The following IKZF1 variants were observed in gnomAD, a reference collection of about 807,000 sequenced individuals.
IKZF1 encodes the protein DNA-binding protein Ikaros.
In IKZF1, 10 loss-of-function variants were observed where a neutral mutation model predicts 51.7. The ratio of observed to expected loss-of-function variants is 0.19; its 90% CI spans 0.12 to 0.33. The LOEUF is 0.33. Among genes scored for constraint, IKZF1 ranks in the 10% least tolerant of loss-of-function variants. The probability of loss-of-function intolerance (pLI) is 1.00; values close to 1 mark genes in which losing one functional copy is unlikely to be tolerated. For missense variants in IKZF1, 484 were observed against 707.5 expected (o/e 0.68, Z 3.58); for synonymous variants, 280 against 282.3 (o/e 0.99, Z 0.08).
intron 4 of IKZF1, among the ~76,000 whole-genome samples, chr7:50,380,863 C>T (rs1026479982): frequency 6.6e-6 from 1 of 152,240 alleles, no homozygotes; most frequent in Non-Finnish European, 1.5e-5. Flanking sequence ...GTTTTAGCCT[C>T]TTCATCCAGT....
chr7:50,321,919 GT>G (rs1299363054), intron 2 of IKZF1, among the ~76,000 whole-genome samples: 1 of 152,136 alleles, frequency 6.6e-6, no homozygotes, highest in Non-Finnish European at 1.5e-5. Context: ...AGGAAACTCT[GT>G]TTTTGTTTGA....
intron 4 of IKZF1, among the ~76,000 whole-genome samples, chr7:50,378,352 C>A (rs73348146): frequency 6.6e-6 from 1 of 152,076 alleles, no homozygotes. Context: ...GTGAAGCAAG[C>A]GTGCATGAGA....
rs1433696976 is a variant in IKZF1, at chr7:50,359,538, C to T, written c.161-16995C>T. ...CCACTGTCCTTCTGCATGGAAAAGT[C>T]ACAGTAAATAATGGACTCTCTACCT... On this transcript the variant is annotated intron_variant, in intron 3 of 7. Coordinates refer to ENST00000331340, the MANE Select transcript of IKZF1 (RefSeq NM_006060.6). Among the ~76,000 whole-genome samples the T allele has an allele frequency of 3.3e-5, 5 of 152,222 alleles. No individual in the cohort carries two copies. In the East Asian group the frequency reaches 9.6e-4, roughly 29 times the overall value.
chr7:50,339,685 C>T lies in IKZF1; in HGVS notation c.160+11928C>T, dbSNP rs1368455479. On this transcript the variant is annotated intron_variant, in intron 3 of 7. Coordinates refer to ENST00000331340, the MANE Select transcript of IKZF1 (RefSeq NM_006060.6). ...AGAAGAATCGCTTGAATTCGGGAGG[C>T]GGGGGTTGCAGTGAGCCAAGATTGT... Among the ~76,000 whole-genome samples the T allele has an allele frequency of 2.9e-3, 428 of 150,000 alleles. 1 individual carries two copies. The highest frequency in any genetic ancestry group is 5.3e-3 in the Non-Finnish European group (359 of 67,648).
chr7:50,306,481 C>T (rs751949383), intron 1 of IKZF1, among the ~76,000 whole-genome samples: 10 of 152,146 alleles, frequency 6.6e-5, no homozygotes, highest in Non-Finnish European at 1.0e-4. Context: ...AGAGTGGTAC[C>T]TCTTGGAAAA....
At position 50,379,372 on chromosome 7, in the gene IKZF1, C is replaced by T. The variant is rs116589989; in HGVS notation, c.421+2579C>T. ...AGGATACACTGAGAGGATTCAGGGG[C>T]GGTCTCGCCTCTGCCCATATCCCCA... is the stretch of plus-strand genomic sequence containing the variant. On this transcript the variant is annotated intron_variant, in intron 4 of 7. Coordinates refer to ENST00000331340, the MANE Select transcript of IKZF1 (RefSeq NM_006060.6). Among the ~76,000 whole-genome samples, 804 of 152,300 alleles carry T rather than the reference C, an allele frequency of 5.3e-3. 10 individuals are homozygous for T. The highest frequency in any genetic ancestry group is 0.018 in the African/African-American group (767 of 41,552).
In IKZF1 at chr7:50,400,833, C is replaced by A. The variant is rs1258945222; in HGVS notation, c.*206C>A. The A allele has an allele frequency of 4.5e-6, 3 of 669,406 alleles. No individual in the cohort carries two copies. Among genetic ancestry groups the A allele is most frequent in the Non-Finnish European group, 7.4e-6 (3 of 406,472 alleles). 41.5% of individuals were successfully genotyped at this position (669,406 alleles called of 1,614,324 possible). On this transcript the variant is annotated 3_prime_UTR_variant, in exon 8 of 8. Transcript: ENST00000331340. This position sits in a 1 kb window ranked among gnomAD's most constrained non-coding sequence, Gnocchi z 5.4. Reference sequence around the variant, plus strand: ...AAGATTTTTATTTTTAGAGGCAGGGCTGCATTGGGAGCATCCAGAACTGCT... The same window carrying A: ...AAGATTTTTATTTTTAGAGGCAGGGATGCATTGGGAGCATCCAGAACTGCT...
chr7:50,312,064 T>C (rs866354730), intron 1 of IKZF1, among the ~76,000 whole-genome samples: 3 of 152,194 alleles, frequency 2.0e-5, no homozygotes, highest in African/African-American at 7.2e-5. Context: ...GCACTTCATA[T>C]TGCTGCACAG....
intron 3 of IKZF1, among the ~76,000 whole-genome samples, chr7:50,329,693 C>T (rs1230865732): frequency 2.0e-5 from 3 of 152,196 alleles, no homozygotes; most frequent in Non-Finnish European, 4.4e-5. Context: ...TCCTGCTTAA[C>T]ACAGGAGCAA....
chr7:50,400,731 C>A lies in IKZF1; in HGVS notation c.*104C>A. On this transcript the variant is annotated 3_prime_UTR_variant, in exon 8 of 8. Coordinates refer to ENST00000331340, the MANE Select transcript of IKZF1 (RefSeq NM_006060.6). This position sits in a 1 kb window ranked among gnomAD's most constrained non-coding sequence, Gnocchi z 5.4. ...GCAGCATAGACTGGACTGGACCAGACAATGTTGTGTTTGGATTTGTAACTG... is the reference window on the plus strand; with the variant it reads ...GCAGCATAGACTGGACTGGACCAGAAAATGTTGTGTTTGGATTTGTAACTG... The A allele has an allele frequency of 2.3e-6, 3 of 1,329,110 alleles. No individual in the cohort carries two copies. The highest frequency in any genetic ancestry group is 1.3e-5 in the South Asian group (1 of 74,204). The allele number at this position is 1,329,110 out of a possible 1,614,324, so 82.3% of individuals were successfully genotyped here.
In IKZF1 at chr7:50,400,218, C is replaced by T. The variant is rs1372604802; in HGVS notation, c.1151C>T (p.Ser384Leu). 4.4e-6 allele frequency: 7 copies of T among 1,591,234 alleles called. No homozygotes were observed. The highest frequency in any genetic ancestry group is 2.3e-5 in the East Asian group (1 of 43,614). Reference protein sequence around the residue: ...LLLSKAKLVPSEREASPSNSC... With the variant: ...LLLSKAKLVPLEREASPSNSC... The stretch of plus-strand genomic sequence containing the variant: ...CTCTCCAAGGCCAAGTTGGTGCCCT[C>T]GGAGCGCGAGGCGTCCCCGAGCAAC... Residue 384 changes from serine to leucine, a missense_variant, in exon 8 of 8, where the codon TCG becomes TTG. Around this residue, in one of 6 missense-constraint regions of IKZF1, gnomAD observed 27 missense variants for 56.8 expected, o/e 0.48. Transcript: ENST00000331340. This position sits in a 1 kb window ranked among gnomAD's most constrained non-coding sequence, Gnocchi z 5.4.
At position 50,313,417 on chromosome 7, in the gene IKZF1, A is replaced by G. The variant is rs144387056; in HGVS notation, c.-14-5631A>G. 1.4e-3 allele frequency among the ~76,000 whole-genome samples: 214 copies of G among 152,354 alleles called. 1 individual carries two copies. The highest frequency in any genetic ancestry group is 5.0e-3 in the African/African-American group (208 of 41,576). On this transcript the variant is annotated intron_variant, in intron 1 of 7. Coordinates refer to ENST00000331340, the MANE Select transcript of IKZF1 (RefSeq NM_006060.6). ...AAAAGTAAATAGCATACATTTGGCC[A>G]AATAACCAGAACTTTACTGTAGAAG... is the stretch of plus-strand genomic sequence containing the variant.
chr7:50,316,864 A>G (rs1053399361), intron 1 of IKZF1, among the ~76,000 whole-genome samples: 1 of 152,242 alleles, frequency 6.6e-6, no homozygotes, highest in African/African-American at 2.4e-5. Flanking sequence ...ATCTTTTTTT[A>G]AGAATTGAAA....
At chr7:50,382,485 C>T in intron 4 of IKZF1, 55 bp from the exon 5 acceptor site, 1 of 1,560,742 alleles carries the variant, frequency 6.4e-7, no homozygotes, top group Non-Finnish European at 8.7e-7. Flanking sequence ...GTAGCATCGT[C>T]CTCATGTCCC....
intron 3 of IKZF1, among the ~76,000 whole-genome samples, chr7:50,334,505 A>G (rs1279079429): frequency 2.0e-5 from 3 of 151,234 alleles, no homozygotes; most frequent in Non-Finnish European, 4.4e-5. Flanking sequence ...GTGTGCATGT[A>G]TGTGTGTGGT....
rs371483980 is a variant in IKZF1 at position 50,391,877 on chromosome 7, G to A, written c.850+14G>A. The A allele has an allele frequency of 6.3e-5, 101 of 1,605,414 alleles. No individual in the cohort carries two copies. The highest frequency in any genetic ancestry group is 4.0e-5 in the African/African-American group (3 of 74,626). ...AGAAATTTCTTGGTAAGAGTTAAAT[G>A]TTTGCTGTCTCTTAAAAAAAAACTA... is the stretch of plus-strand genomic sequence containing the variant. On this transcript the variant is annotated intron_variant, in intron 7 of 7. Coordinates refer to ENST00000331340, the MANE Select transcript of IKZF1 (RefSeq NM_006060.6).
Position 50,403,382 on chromosome 7 carries a change from G to T in IKZF1, c.*2755G>T, listed in dbSNP as rs921120747. The T allele has an allele frequency of 4.5e-6, 1 of 222,516 alleles. No homozygotes were observed. Among genetic ancestry groups the T allele is most frequent in the Non-Finnish European group, 9.0e-6 (1 of 111,294 alleles). 13.8% of individuals were successfully genotyped at this position (222,516 alleles called of 1,614,324 possible). Reference sequence around the variant, plus strand: ...ATGATGGCGTGAGTGTGTGTCTTGGGTACCGCTGTGTACTACTGTGTGCCT... The same window carrying T: ...ATGATGGCGTGAGTGTGTGTCTTGGTTACCGCTGTGTACTACTGTGTGCCT... On this transcript the variant is annotated 3_prime_UTR_variant, in exon 8 of 8. Coordinates refer to ENST00000331340, the MANE Select transcript of IKZF1 (RefSeq NM_006060.6).
At chr7:50,357,922 T>G (rs1803963710) in intron 3 of IKZF1, among the ~76,000 whole-genome samples, 1 of 152,144 alleles carries the variant, frequency 6.6e-6, no homozygotes, top group Non-Finnish European at 1.5e-5. Flanking sequence ...GAGTCGGAGT[T>G]TCTCTCATTT....
chr7:50,355,962 G>A (rs375930633), intron 3 of IKZF1, among the ~76,000 whole-genome samples: 1 of 152,228 alleles, frequency 6.6e-6, no homozygotes, highest in African/African-American at 2.4e-5. Flanking sequence ...CAGTGGGGAT[G>A]TCTTTGACTC....
Sources: allele counts gnomAD v4.1 joint callset (sites outside exome capture counted in the v4.1 genomes callset), GRCh38; gene constraint gnomAD v4.1.1; regional missense constraint gnomAD v4.1.1; non-coding constraint Gnocchi (gnomAD v3.1); transcripts MANE v1.5; gene names NCBI Gene and HGNC (gene_info 2026-07-23, HGNC 2026-07-21).